Variants in ADCY3 observed in about 807,000 individuals in gnomAD.
ADCY3 encodes the protein adenylate cyclase 3, also known as adenylate cyclase type 3.
A neutral mutation model predicts 119.4 loss-of-function variants in ADCY3; 70 were observed. The ratio of observed to expected loss-of-function variants is 0.59; its 90% confidence interval spans 0.48 to 0.72. ADCY3 has a LOEUF of 0.72. Among genes scored for constraint, ADCY3 ranks in the 30% least tolerant of loss-of-function variants. The pLI is 0.00. For synonymous variants in ADCY3, 672 were observed against 621.4 expected (o/e 1.08, Z -1.21); for missense variants, 1,238 against 1,541.6 (o/e 0.80, Z 3.30).
intron 20 of ADCY3, 61 bp from the exon 21 acceptor site, chr2:24,820,909 A>T (rs1428471708): frequency 4.4e-6 from 7 of 1,595,422 alleles, no homozygotes; most frequent in Non-Finnish European, 6.0e-6. Context: ...GGGCCTCAGA[A>T]GCCATCTCCT....
In ADCY3 at chr2:24,834,154, T is replaced by C. The variant is rs1669974278; in HGVS notation, c.1967+331A>G. Among the ~76,000 whole-genome samples, 1 of 152,220 alleles carries C rather than the reference T, an allele frequency of 6.6e-6. No individual in the cohort carries two copies. Among genetic ancestry groups the C allele is most frequent in the Non-Finnish European group, 1.5e-5 (1 of 68,036 alleles). ...GCCTTGGTGACTGAGACTGACGCAG[T>C]GTCCCCATCTTTGTCCCAAGAATCA... On this transcript the variant is annotated intron_variant, in intron 11 of 21. Coordinates refer to ENST00000679454, the MANE Select transcript of ADCY3 (RefSeq NM_004036.5). This position sits in a 1 kb window ranked among gnomAD's most constrained non-coding sequence, Gnocchi z 4.2.
At chr2:24,874,896 T>C (rs1334505928) in intron 2 of ADCY3, among the ~76,000 whole-genome samples, 1 of 152,212 alleles carries the variant, frequency 6.6e-6, no homozygotes, top group Non-Finnish European at 1.5e-5. Flanking sequence ...CTGTCCTACA[T>C]AGGAGGTCAC....
intron 2 of ADCY3, among the ~76,000 whole-genome samples, chr2:24,891,432 G>C (rs572096402): frequency 1.3e-5 from 2 of 152,050 alleles, no homozygotes; most frequent in African/African-American, 2.4e-5. Flanking sequence ...TAGCTGTCTC[G>C]GTTATGAGAT....
Position 24,841,302 on chromosome 2 carries a change from C to A in ADCY3, c.1153G>T (p.Val385Phe). ...GLPDYREDHA[V>F]CSILMGLAMV... ...GCCAGCCCCATGAGGATGGAGCAGA[C>A]GGCGTGGTCCTCCCGGTAGTCGGGC... Residue 385 changes from valine (V) to phenylalanine (F), a missense_variant, in exon 6 of 22, where the codon GTC (valine) becomes TTC (phenylalanine). Coordinates refer to ENST00000679454, the MANE Select transcript of ADCY3 (RefSeq NM_004036.5). The surrounding 1 kb of genome is among the most constrained non-coding windows in gnomAD (Gnocchi z 5.8). The A allele has an allele frequency of 6.3e-7, 1 of 1,576,436 alleles. No homozygotes were observed. Among genetic ancestry groups the A allele is most frequent in the South Asian group, 1.2e-5 (1 of 86,168 alleles).
Position 24,819,264 on chromosome 2 carries a change from G to T in ADCY3, c.*668C>A, listed in dbSNP as rs1174960389. ...AGTAGCAAAGGCGACTGTAGCAAGA[G>T]CTCAAAAGGCAAGGCAATATCGGAA... On this transcript the variant is annotated 3_prime_UTR_variant, in exon 22 of 22. Coordinates refer to ENST00000679454, the MANE Select transcript of ADCY3 (RefSeq NM_004036.5). 6.5e-6 allele frequency: 1 copy of T among 152,676 alleles called. No individual in the cohort carries two copies. The highest frequency in any genetic ancestry group is 3.2e-3 in the Middle Eastern group (1 of 316). The allele number at this position is 152,676 out of a possible 1,614,324, so 9.5% of individuals were successfully genotyped here.
Position 24,828,178 on chromosome 2 carries a change from C to T in ADCY3, c.2173-17G>A, listed in dbSNP as rs142601620. 13 of 1,611,048 alleles carry T rather than the reference C, an allele frequency of 8.1e-6. No individual in the cohort carries two copies. The highest frequency in any genetic ancestry group is 1.3e-5 in the African/African-American group (1 of 74,974). The stretch of plus-strand genomic sequence containing the variant: ...ACAGCTGAGCTGGAGGCCAGGACGG[C>T]GGGCAGGGACACACGTTCAAGAGAA... On this transcript the variant is annotated splice_polypyrimidine_tract_variant and intron_variant, in intron 13 of 21. Transcript: ENST00000679454.
In ADCY3 at chr2:24,841,770, C is replaced by T. The variant is rs1308832771; in HGVS notation, c.957-103G>A. ...ACCCACAGGGCAGCCAGGATCAGGGCAGGAGAAGGTCCTCCCTCACGACCC... is the reference window on the plus strand; with the variant it reads ...ACCCACAGGGCAGCCAGGATCAGGGTAGGAGAAGGTCCTCCCTCACGACCC... On this transcript the variant is annotated intron_variant, in intron 4 of 21. Coordinates refer to ENST00000679454, the MANE Select transcript of ADCY3 (RefSeq NM_004036.5). The surrounding 1 kb of genome is among the most constrained non-coding windows in gnomAD (Gnocchi z 5.8). 3.6e-6 allele frequency: 3 copies of T among 834,796 alleles called. No individual in the cohort carries two copies. The highest frequency in any genetic ancestry group is 5.9e-6 in the Non-Finnish European group (3 of 506,530). The allele number at this position is 834,796 out of a possible 1,614,324, so 51.7% of individuals were successfully genotyped here. A position where few individuals can be genotyped will look rare whatever the true frequency, so the allele number is the denominator to read the frequency against.
intron 3 of ADCY3, among the ~76,000 whole-genome samples, chr2:24,859,271 G>A (rs1368894521): frequency 3.3e-5 from 5 of 152,168 alleles, no homozygotes; most frequent in Non-Finnish European, 5.9e-5. Flanking sequence ...ACGGTGCAAC[G>A]AGCAAGACGC....
At chr2:24,891,289 A>C (rs989711759) in intron 2 of ADCY3, among the ~76,000 whole-genome samples, 1 of 152,236 alleles carries the variant, frequency 6.6e-6, no homozygotes, top group African/African-American at 2.4e-5. Flanking sequence ...TAAGAAATAA[A>C]TAATTCATAA....
At chr2:24,873,018 C>T (rs993753406) in intron 2 of ADCY3, among the ~76,000 whole-genome samples, 16 of 152,372 alleles carry the variant, frequency 1.1e-4, no homozygotes, top group East Asian at 3.9e-4. Context: ...GATCCCCCCT[C>T]CGGCTTCCCA....
At chr2:24,908,703 A>T (rs1386685194) in intron 2 of ADCY3, among the ~76,000 whole-genome samples, 1 of 152,210 alleles carries the variant, frequency 6.6e-6, no homozygotes. Flanking sequence ...CAGTCCCTCA[A>T]CTGGCACCAT....
In ADCY3 at chr2:24,823,282, G is replaced by A. The variant is rs774480624; in HGVS notation, c.2810C>T (p.Thr937Ile). 1 of 1,613,876 alleles carries A rather than the reference G, an allele frequency of 6.2e-7. No homozygotes were observed. Among genetic ancestry groups the A allele is most frequent in the Non-Finnish European group, 8.5e-7 (1 of 1,179,978 alleles). Reference sequence around the variant, plus strand: ...ACCACCATTGTTGATGCTCTCCTCTGTGTAGAAGTCAGCAAAGTTGGGCAG... The same window carrying A: ...ACCACCATTGTTGATGCTCTCCTCTATGTAGAAGTCAGCAAAGTTGGGCAG... ...ASLPNFADFY[T>I]EESINNGGIE... The change falls in exon 18 of 22, where the codon ACA (threonine) becomes ATA (isoleucine). Residue 937 changes from threonine to isoleucine, a missense_variant. Transcript: ENST00000679454.
At chr2:24,905,007 A>G (rs1679310888) in intron 2 of ADCY3, among the ~76,000 whole-genome samples, 1 of 152,026 alleles carries the variant, frequency 6.6e-6, no homozygotes, top group African/African-American at 2.4e-5. Flanking sequence ...TTCCCTGATT[A>G]TTAGAGTTAT....
At chr2:24,864,115 C>T (rs112023472) in intron 3 of ADCY3, among the ~76,000 whole-genome samples, 7,037 of 152,110 alleles carry the variant, frequency 0.046, 535 homozygotes, top group African/African-American at 0.16. Context: ...GGTGAAACCC[C>T]GTCTCTACTA....
At chr2:24,845,012 T>C (rs1214065864) in intron 3 of ADCY3, among the ~76,000 whole-genome samples, 1 of 152,232 alleles carries the variant, frequency 6.6e-6, no homozygotes, top group Non-Finnish European at 1.5e-5. Flanking sequence ...TGCTTTTTGC[T>C]CATTTTCTCT....
At position 24,852,186 on chromosome 2, in the gene ADCY3, C is replaced by A. The variant is rs188005470; in HGVS notation, c.826-9802G>T. Among the ~76,000 whole-genome samples the A allele has an allele frequency of 3.3e-5, 5 of 152,250 alleles. No homozygotes were observed. In the East Asian group the frequency reaches 9.7e-4, roughly 30 times the overall value. ...TCCGGTGGGTCCTTCCTCACAGAAA[C>A]GGCCCAGCGGCTGCCTCGGGGGGAA... On this transcript the variant is annotated intron_variant, in intron 3 of 21. Transcript: ENST00000679454.
intron 6 of ADCY3, 105 bp from the exon 7 acceptor site, chr2:24,840,136 C>A: frequency 7.0e-7 from 1 of 1,436,412 alleles, no homozygotes; most frequent in Non-Finnish European, 9.4e-7. Flanking sequence ...TTCCCCTCCA[C>A]AAGAGGGGGC....
At chr2:24,848,824 T>G (rs914710481) in intron 3 of ADCY3, among the ~76,000 whole-genome samples, 6 of 152,224 alleles carry the variant, frequency 3.9e-5, no homozygotes, top group Admixed American at 6.5e-5. Flanking sequence ...GTTTTTAGGT[T>G]GAGTTCCAGT....
chr2:24,841,634 C>G lies in ADCY3; in HGVS notation c.990G>C (p.Gln330His), dbSNP rs1303861733. 1 of 1,613,686 alleles carries G rather than the reference C, an allele frequency of 6.2e-7. No individual in the cohort carries two copies. Among genetic ancestry groups the G allele is most frequent in the Non-Finnish European group, 8.5e-7 (1 of 1,179,978 alleles). The stretch of plus-strand genomic sequence containing the variant: ...CCTGGGCACTGCAGGCAGAAGACAG[C>G]TGGGTAAAGCCCACGATGTCGGCAA... ...ILFADIVGFT[Q>H]LSSACSAQEL... Residue 330 changes from glutamine to histidine, a missense_variant, in exon 5 of 22, where the codon CAG becomes CAC. By Grantham distance (24) the Gln-to-His change is conservative. Around this residue, in one of 7 missense-constraint regions of ADCY3, gnomAD observed 283 missense variants for 437.2 expected, o/e 0.65. Transcript: ENST00000679454. This position sits in a 1 kb window ranked among gnomAD's most constrained non-coding sequence, Gnocchi z 5.8.
Sources: gnomAD v4.1 joint callset for allele counts (sites outside exome capture counted in the v4.1 genomes callset) on GRCh38, gnomAD v4.1.1 for gene constraint, gnomAD v4.1.1 regional missense constraint, Gnocchi (gnomAD v3.1) non-coding constraint, MANE v1.5 for transcripts, NCBI Gene and HGNC (gene_info 2026-07-23, HGNC 2026-07-21) for gene names.